Variants in RNF135 observed in about 807,000 individuals in gnomAD.
The protein encoded by RNF135 is ring finger protein 135, also known as E3 ubiquitin-protein ligase RNF135.
RNF135 carries 46 observed loss-of-function variants against 41.9 expected under a neutral mutation model. The observed-to-expected ratio is 1.10, with a 90% confidence interval of 0.87 to 1.40. The LOEUF (loss-of-function observed/expected upper bound fraction) is 1.40, where lower values mean the gene tolerates loss of function less well. Among genes scored for constraint, RNF135 ranks in the 40% most tolerant of loss-of-function variants. The pLI is 0.00. For synonymous variants in RNF135, 238 were observed against 223.8 expected (o/e 1.06, Z -0.57); for missense variants, 539 against 549.8 (o/e 0.98, Z 0.20).
upstream of RNF135, among the ~76,000 whole-genome samples, chr17:30,967,962 G>T (rs936307573): frequency 6.6e-6 from 1 of 151,930 alleles, no homozygotes; most frequent in Non-Finnish European, 1.5e-5. Flanking sequence ...ACCGCACTCG[G>T]CCAAGAATGA....
At chr17:30,989,890 C>T (rs1047401718) in intron 3 of RNF135, among the ~76,000 whole-genome samples, 39 of 150,216 alleles carry the variant, frequency 2.6e-4, no homozygotes, top group Non-Finnish European at 5.6e-4. Context: ...ATCCCAGCTA[C>T]TCAGGAGGCA....
chr17:30,989,984 C>CAAAAA (rs10627734), intron 3 of RNF135, among the ~76,000 whole-genome samples: 1 of 55,284 alleles, frequency 1.8e-5, no homozygotes, highest in African/African-American at 5.1e-5. Flanking sequence ...AACTCTGTCT[C>CAAAAA]AAAAAAAAAA....
chr17:30,983,339 A>T (rs1567743166), intron 1 of RNF135, among the ~76,000 whole-genome samples: 7 of 27,532 alleles, frequency 2.5e-4, no homozygotes, highest in African/African-American at 5.0e-4. Flanking sequence ...ATATATATAT[A>T]TATATATATA....
rs1472075315 is a variant in RNF135 at position 30,998,894 on chromosome 17, G to C, written c.1002G>C (p.Met334Ile). 6.8e-6 allele frequency: 11 copies of C among 1,611,846 alleles called. No homozygotes were observed. The highest frequency in any genetic ancestry group is 9.3e-6 in the Non-Finnish European group (11 of 1,178,482). Residue 334 changes from methionine (M) to isoleucine (I), a missense_variant, in exon 5 of 5, where the codon ATG (methionine) becomes ATC (isoleucine). By Grantham distance (10) the Met-to-Ile change is conservative. Transcript: ENST00000328381. ...CAGTTGGGGTGGCTTCCTGGGAGAT[G>C]AGCCGCGACCAGGTCCTGGGAAGGA... Reference protein sequence around the residue: ...HWAVGVASWEMSRDQVLGRTM... With the variant: ...HWAVGVASWEISRDQVLGRTM...
intron 2 of RNF135, among the ~76,000 whole-genome samples, chr17:30,985,035 C>T (rs779217700): frequency 3.3e-5 from 5 of 152,114 alleles, no homozygotes; most frequent in South Asian, 2.1e-4. Flanking sequence ...TCTCTATAAG[C>T]GTTCTGGTGC....
the RNF135 span, among the ~76,000 whole-genome samples, chr17:30,963,040 C>A: frequency 6.8e-6 from 1 of 146,638 alleles, no homozygotes; most frequent in East Asian, 2.0e-4. Context: ...CTATTATGTA[C>A]TTATTGGCCA....
chr17:30,965,842 C>G, the RNF135 span, among the ~76,000 whole-genome samples: 579 of 152,290 alleles, frequency 3.8e-3, 7 homozygotes, highest in African/African-American at 0.013. Flanking sequence ...TCCTCATGAA[C>G]TGAGTCCACC....
intron 3 of RNF135, chr17:30,993,864 G>T (rs1451197977): frequency 4.1e-6 from 3 of 738,706 alleles, no homozygotes; most frequent in Non-Finnish European, 6.8e-6. Flanking sequence ...AGGCTGGAGT[G>T]CAGTGGCACA....
chr17:30,961,636 T>G, the RNF135 span, among the ~76,000 whole-genome samples: 1 of 152,118 alleles, frequency 6.6e-6, no homozygotes, highest in Non-Finnish European at 1.5e-5. Flanking sequence ...CTAATTTTTG[T>G]ATTTTTCTGT....
chr17:30,971,357 G>A lies in RNF135; in HGVS notation c.284G>A (p.Gly95Asp), dbSNP rs541676031. 1.6e-5 allele frequency: 25 copies of A among 1,530,708 alleles called. No homozygotes were observed. The Admixed American group carries it at 4.0e-4, about 24-fold the overall frequency. The allele number at this position is 1,530,708 out of a possible 1,614,324, so 94.8% of individuals were successfully genotyped here. The change falls in exon 1 of 5, where the codon GGC becomes GAC. Residue 95 changes from glycine (G) to aspartate (D), a missense_variant. By Grantham distance (94) the Gly-to-Asp change is moderately conservative (BLOSUM62 -1). Around this residue, in one of 2 missense-constraint regions of RNF135, gnomAD observed 277 missense variants for 212.8 expected, o/e 1.30. Coordinates refer to ENST00000328381, the MANE Select transcript of RNF135 (RefSeq NM_032322.4). Reference sequence around the variant, plus strand: ...CGCGCCGCACGCGAGATACAGGCGGGCTCCGACCCTGCCCACTGCCCCTGC... The same window carrying A: ...CGCGCCGCACGCGAGATACAGGCGGACTCCGACCCTGCCCACTGCCCCTGC... ...YRRAAREIQAGSDPAHCPCPG... is the reference protein window; with the variant it reads ...YRRAAREIQADSDPAHCPCPG...
chr17:30,979,673 A>C (rs1434565461), intron 1 of RNF135, among the ~76,000 whole-genome samples: 60 of 67,338 alleles, frequency 8.9e-4, no homozygotes, highest in Admixed American at 1.9e-3. Context: ...GATCCCCCCC[A>C]CCTCCCTCCC....
chr17:30,992,075 G>T (rs1908026345), intron 3 of RNF135, among the ~76,000 whole-genome samples: 1 of 151,722 alleles, frequency 6.6e-6, no homozygotes, highest in South Asian at 2.1e-4. Context: ...GGGATTACAA[G>T]CCTGTGCCAC....
chr17:30,970,702 A>G (rs888825338), upstream of RNF135: 3 of 285,538 alleles, frequency 1.1e-5, no homozygotes, highest in African/African-American at 6.8e-5. Flanking sequence ...TCGGTGTTGC[A>G]TCTTTTTTGT....
Position 30,999,295 on chromosome 17 carries a change from A to C in RNF135, c.*104A>C. On this transcript the variant is annotated 3_prime_UTR_variant, in exon 5 of 5. Transcript: ENST00000328381. ...AATACCACTTTTTAGAAAAATTACG[A>C]TAGAGATGGGATCTCACTAGGTTGC... 7.8e-7 allele frequency: 1 copy of C among 1,290,094 alleles called. No individual in the cohort carries two copies. The highest frequency in any genetic ancestry group is 1.9e-5 in the Admixed American group (1 of 52,214). The allele number at this position is 1,290,094 out of a possible 1,614,324, so 79.9% of individuals were successfully genotyped here. A position where few individuals can be genotyped will look rare whatever the true frequency, so the allele number is the denominator to read the frequency against.
intron 1 of RNF135, chr17:30,971,855 G>A: frequency 2.7e-6 from 1 of 373,480 alleles, no homozygotes; most frequent in Non-Finnish European, 3.8e-6. Flanking sequence ...TGGCGTGCGT[G>A]ATCTCGGCTC....
At chr17:30,983,349 ATATATTTTTT>A (rs1319209532) in intron 1 of RNF135, among the ~76,000 whole-genome samples, 67 of 38,692 alleles carry the variant, frequency 1.7e-3, no homozygotes, top group African/African-American at 5.5e-3. Flanking sequence ...ATATATATAT[ATATATTTTTT>A]TTTTTTTTTT....
chr17:30,983,336 TATATATATATATATA>T (rs1255848528), intron 1 of RNF135, among the ~76,000 whole-genome samples: 13 of 28,908 alleles, frequency 4.5e-4, no homozygotes, highest in East Asian at 1.4e-3. Context: ...TATATATATA[TATATATATATATATA>T]TATTTTTTTT....
At chr17:30,993,025 ATTTTG>A (rs1322157053) in intron 3 of RNF135, among the ~76,000 whole-genome samples, 2 of 145,406 alleles carry the variant, frequency 1.4e-5, no homozygotes, top group African/African-American at 5.5e-5. Context: ...ATCCTAGTGC[ATTTTG>A]TTTTATTTGT....
rs772832007 is a variant in RNF135 at position 30,999,080 on chromosome 17, G to C, written c.1188G>C (p.Glu396Asp). ...KLAFYSVDNQ[E>D]KLLYECTISA... The stretch of plus-strand genomic sequence containing the variant: ...CCTTCTATTCAGTGGACAATCAGGA[G>C]AAGCTTCTGTATGAGTGTACCATCT... Residue 396 changes from glutamate (E) to aspartate (D), a missense_variant, in exon 5 of 5, where the codon GAG becomes GAC. Glu to Asp is a conservative substitution (Grantham distance 45, BLOSUM62 2). Transcript: ENST00000328381. 1.2e-6 allele frequency: 2 copies of C among 1,614,186 alleles called. No homozygotes were observed. Among genetic ancestry groups the C allele is most frequent in the Middle Eastern group, 1.6e-4 (1 of 6,062 alleles).
Sources: gnomAD v4.1 joint callset for allele counts (sites outside exome capture counted in the v4.1 genomes callset) on GRCh38, gnomAD v4.1.1 for gene constraint, gnomAD v4.1.1 regional missense constraint, MANE v1.5 for transcripts, NCBI Gene and HGNC (gene_info 2026-07-23, HGNC 2026-07-21) for gene names.